The following CADPS2 variants were observed in gnomAD, a reference collection of about 807,000 sequenced individuals.
CADPS2 encodes the protein calcium dependent secretion activator 2, also known as calcium-dependent secretion activator 2.
A neutral mutation model predicts 172.5 loss-of-function variants in CADPS2; 93 were observed. The observed-to-expected ratio is 0.54, with a 90% CI of 0.46 to 0.64. The LOEUF (loss-of-function observed/expected upper bound fraction) is 0.64, where lower values mean the gene tolerates loss of function less well. CADPS2 is among the 30% of genes least tolerant of loss of function. The probability of loss-of-function intolerance (pLI) is 0.00; values close to 1 mark genes in which losing one functional copy is unlikely to be tolerated. For missense variants in CADPS2, 1,420 were observed against 1,565.9 expected (o/e 0.91, Z 1.57); for synonymous variants, 546 against 555.2 (o/e 0.98, Z 0.23).
intron 1 of CADPS2, among the ~76,000 whole-genome samples, chr7:122,838,451 A>G (rs1388587857): frequency 6.6e-6 from 1 of 152,200 alleles, no homozygotes; most frequent in Non-Finnish European, 1.5e-5. Context: ...GGAGGAAGAA[A>G]GAAAGGGTAC....
chr7:122,700,328 A>G (rs982483389), intron 2 of CADPS2, among the ~76,000 whole-genome samples: 2 of 152,212 alleles, frequency 1.3e-5, no homozygotes, highest in African/African-American at 4.8e-5. Flanking sequence ...TTGAGACAAG[A>G]AAGATGAAGG....
chr7:122,381,896 G>C (rs949746870), intron 24 of CADPS2, among the ~76,000 whole-genome samples: 1 of 152,144 alleles, frequency 6.6e-6, no homozygotes, highest in East Asian at 1.9e-4. Flanking sequence ...TTTTAGATTT[G>C]CATAATATGG....
chr7:122,414,169 TATA>T, intron 18 of CADPS2, 93 bp from the exon 19 acceptor site: 1 of 778,528 alleles, frequency 1.3e-6, no homozygotes, highest in African/African-American at 1.8e-5. Context: ...ATAATAGTCC[TATA>T]TTTCAGTATA....
chr7:122,380,937 A>G (rs2042926234), intron 24 of CADPS2, among the ~76,000 whole-genome samples: 1 of 152,120 alleles, frequency 6.6e-6, no homozygotes, highest in South Asian at 2.1e-4. Flanking sequence ...CGGGAGAGAA[A>G]AGGGGAGAGA....
At chr7:122,437,366 T>C (rs1290582848) in intron 17 of CADPS2, among the ~76,000 whole-genome samples, 2 of 152,024 alleles carry the variant, frequency 1.3e-5, no homozygotes, top group Admixed American at 6.6e-5. Context: ...TTGACCAGAT[T>C]TGGAGAGAAG....
rs921907663 is a variant in CADPS2, at chr7:122,749,036, C to T, written c.340-11968G>A. Among the ~76,000 whole-genome samples the T allele has an allele frequency of 6.6e-5, 10 of 152,198 alleles. No individual in the cohort carries two copies. In the East Asian group the frequency reaches 1.7e-3, roughly 27 times the overall value. ...TAGCTTTTGTCTTCTAGTTTACTGCCTCCAAAGAAATCCACATTAACTGTG... is the reference window on the plus strand; with the variant it reads ...TAGCTTTTGTCTTCTAGTTTACTGCTTCCAAAGAAATCCACATTAACTGTG... On this transcript the variant is annotated intron_variant, in intron 1 of 29. Transcript: ENST00000449022.
intron 7 of CADPS2, among the ~76,000 whole-genome samples, chr7:122,562,383 G>A (rs1236063401): frequency 6.6e-6 from 1 of 152,138 alleles, no homozygotes; most frequent in Non-Finnish European, 1.5e-5. Context: ...CTTCATAATT[G>A]AAGAGAGAAA....
intron 1 of CADPS2, among the ~76,000 whole-genome samples, chr7:122,873,455 A>G (rs1820352463): frequency 6.6e-6 from 1 of 152,078 alleles, no homozygotes. Flanking sequence ...TTTGCTGAGG[A>G]TGATGGTTTT....
intron 3 of CADPS2, among the ~76,000 whole-genome samples, chr7:122,644,100 G>A (rs1349540851): frequency 6.8e-6 from 1 of 146,214 alleles, no homozygotes; most frequent in Non-Finnish European, 1.5e-5. Flanking sequence ...AGGAATGAAG[G>A]AAGGAAGGAA....
At chr7:122,466,101 T>C (rs554929217) in intron 14 of CADPS2, among the ~76,000 whole-genome samples, 1 of 152,188 alleles carries the variant, frequency 6.6e-6, no homozygotes. Flanking sequence ...TCTAAAGGTA[T>C]GAAGTTTAAG....
At chr7:122,575,859 C>T (rs1587489990) in intron 7 of CADPS2, among the ~76,000 whole-genome samples, 1 of 152,268 alleles carries the variant, frequency 6.6e-6, no homozygotes, top group East Asian at 1.9e-4. Context: ...TAATTTAAGA[C>T]TTACAGAAAA....
At chr7:122,555,553 T>A (rs539182758) in intron 7 of CADPS2, among the ~76,000 whole-genome samples, 2 of 152,122 alleles carry the variant, frequency 1.3e-5, no homozygotes, top group Non-Finnish European at 2.9e-5. Context: ...GAAGTTTAGA[T>A]ATGAATGGAA....
intron 3 of CADPS2, among the ~76,000 whole-genome samples, chr7:122,657,074 C>T (rs1347130619): frequency 6.6e-6 from 1 of 152,084 alleles, no homozygotes; most frequent in Non-Finnish European, 1.5e-5. Context: ...GAATCCTTTC[C>T]CCATTTCTTG....
chr7:122,319,950 AAAAC>A lies in CADPS2; in HGVS notation c.*211_*214del, dbSNP rs139748837. ...ACAAAAGAGGATGCTCTTCTCCAAA[AAAAC>A]AAACAAACAAACAAACAAAAAAAGG... On this transcript the variant is annotated 3_prime_UTR_variant, in exon 30 of 30. Coordinates refer to ENST00000449022, the MANE Select transcript of CADPS2 (RefSeq NM_017954.11). 0.36 allele frequency: 149,379 copies of A among 417,638 alleles called. 27,987 individuals carry two copies. The highest frequency in any genetic ancestry group is 0.42 in the Middle Eastern group (641 of 1,526). The allele number at this position is 417,638 out of a possible 1,614,324, so 25.9% of individuals were successfully genotyped here. A position where few individuals can be genotyped will look rare whatever the true frequency, so the allele number is the denominator to read the frequency against.
At chr7:122,481,162 CTT>C (rs35352953) in intron 11 of CADPS2, among the ~76,000 whole-genome samples, 3,018 of 107,430 alleles carry the variant, frequency 0.028, 40 homozygotes, top group African/African-American at 0.071. Context: ...TTTCTTCATT[CTT>C]TTTTTTTTTT....
intron 8 of CADPS2, among the ~76,000 whole-genome samples, chr7:122,531,166 A>C (rs2061720061): frequency 6.6e-6 from 1 of 152,208 alleles, no homozygotes; most frequent in African/African-American, 2.4e-5. Flanking sequence ...CTTTGTGATT[A>C]CTTTCTCATT....
chr7:122,599,257 A>G (rs1373423555), intron 6 of CADPS2, among the ~76,000 whole-genome samples: 1 of 152,050 alleles, frequency 6.6e-6, no homozygotes. Context: ...AATACCATAC[A>G]GCATAGAATC....
intron 14 of CADPS2, among the ~76,000 whole-genome samples, chr7:122,469,459 T>G (rs942561903): frequency 2.6e-5 from 4 of 152,152 alleles, no homozygotes; most frequent in African/African-American, 4.8e-5. Flanking sequence ...CGAGACAGTT[T>G]TAGTAAAACA....
At chr7:122,878,828 C>T (rs1447607563) in intron 1 of CADPS2, among the ~76,000 whole-genome samples, 2 of 152,028 alleles carry the variant, frequency 1.3e-5, no homozygotes, top group Non-Finnish European at 1.5e-5. Context: ...ACTATATCCT[C>T]GGAACATATT....
Sources: allele counts gnomAD v4.1 joint callset (sites outside exome capture counted in the v4.1 genomes callset), GRCh38; gene constraint gnomAD v4.1.1; transcripts MANE v1.5; gene names NCBI Gene and HGNC (gene_info 2026-07-23, HGNC 2026-07-21).